Variants in SH3GL2 observed in about 807,000 individuals in gnomAD.
SH3GL2 encodes endophilin-A1.
SH3GL2 carries 24 observed loss-of-function variants against 46.0 expected under a neutral mutation model. The ratio of observed to expected loss-of-function variants is 0.52; its 90% CI spans 0.38 to 0.73. SH3GL2 has a LOEUF of 0.73. Among genes scored for constraint, SH3GL2 ranks in the 30% least tolerant of loss-of-function variants. The probability of loss-of-function intolerance (pLI) is 0.00; values close to 1 mark genes in which losing one functional copy is unlikely to be tolerated. For missense variants in SH3GL2, 413 were observed against 424.2 expected (o/e 0.97, Z 0.23); for synonymous variants, 196 against 147.1 (o/e 1.33, Z -2.40).
At chr9:17,642,670 C>A (rs1335141346) in intron 1 of SH3GL2, among the ~76,000 whole-genome samples, 1 of 151,980 alleles carries the variant, frequency 6.6e-6, no homozygotes, top group African/African-American at 2.4e-5. Context: ...TGCAGATGTG[C>A]GGTGCTATTT....
At chr9:17,700,457 C>G (rs1027304089) in intron 1 of SH3GL2, among the ~76,000 whole-genome samples, 3 of 152,192 alleles carry the variant, frequency 2.0e-5, no homozygotes, top group Non-Finnish European at 4.4e-5. Context: ...TCTAGAGGAG[C>G]GGAAGATCTG....
At chr9:17,596,650 A>G (rs1410896204) in intron 1 of SH3GL2, among the ~76,000 whole-genome samples, 1 of 152,218 alleles carries the variant, frequency 6.6e-6, no homozygotes, top group African/African-American at 2.4e-5. Flanking sequence ...ATCCCTGTTG[A>G]ACTTGAATGC....
chr9:17,644,015 G>A (rs1431764807), intron 1 of SH3GL2, among the ~76,000 whole-genome samples: 1 of 152,168 alleles, frequency 6.6e-6, no homozygotes, highest in African/African-American at 2.4e-5. Context: ...TTCAGAACTT[G>A]TTATTGGTCT....
At chr9:17,613,710 A>C (rs1383931134) in intron 1 of SH3GL2, among the ~76,000 whole-genome samples, 1 of 152,184 alleles carries the variant, frequency 6.6e-6, no homozygotes, top group Non-Finnish European at 1.5e-5. Flanking sequence ...AATGCTCATT[A>C]TGGGAGGTGA....
intron 1 of SH3GL2, among the ~76,000 whole-genome samples, chr9:17,633,127 G>A (rs548817629): frequency 1.1e-4 from 17 of 152,290 alleles, no homozygotes; most frequent in African/African-American, 4.1e-4. Context: ...AGTGGCTTCT[G>A]ATATAGGTCT....
Position 17,795,548 on chromosome 9 carries a change from C to G in SH3GL2, c.864C>G (p.Val288=). 3.1e-6 allele frequency: 5 copies of G among 1,613,464 alleles called. No homozygotes were observed. Among genetic ancestry groups the G allele is most frequent in the Non-Finnish European group, 4.2e-6 (5 of 1,179,512 alleles). Residue 288 remains valine, a synonymous_variant, in exon 9 of 9, where the codon GTC becomes GTG. Transcript: ENST00000380607. The part of the protein sequence containing the change: ...SHTGTPKPSG[V]QMDQPCCRAL... ...CTCTCCTGCTCTTACTCCCAGGTGT[C>G]CAAATGGATCAGCCCTGCTGCCGAG... is the stretch of plus-strand genomic sequence containing the variant.
At chr9:17,751,608 C>T (rs144028246) in intron 2 of SH3GL2, among the ~76,000 whole-genome samples, 2 of 152,194 alleles carry the variant, frequency 1.3e-5, no homozygotes, top group Non-Finnish European at 2.9e-5. Context: ...CTAGTTCCCT[C>T]CCATCATGTG....
intron 1 of SH3GL2, among the ~76,000 whole-genome samples, chr9:17,705,183 G>T (rs1430966327): frequency 1.3e-5 from 2 of 151,878 alleles, no homozygotes; most frequent in Non-Finnish European, 2.9e-5. Flanking sequence ...AGATCAAAAT[G>T]ACAATGAGAT....
intron 1 of SH3GL2, among the ~76,000 whole-genome samples, chr9:17,616,211 T>G (rs968896271): frequency 2.2e-4 from 33 of 152,224 alleles, no homozygotes; most frequent in African/African-American, 7.5e-4. Context: ...AAAAAAGAGA[T>G]AAATTAGGAA....
chr9:17,599,799 T>C (rs992827100), intron 1 of SH3GL2, among the ~76,000 whole-genome samples: 1 of 152,214 alleles, frequency 6.6e-6, no homozygotes, highest in Middle Eastern at 3.2e-3. Context: ...ATGTTAATTA[T>C]CTCTAGATGT....
intron 2 of SH3GL2, among the ~76,000 whole-genome samples, chr9:17,756,417 C>G (rs1163840906): frequency 6.6e-6 from 1 of 151,546 alleles, no homozygotes; most frequent in Non-Finnish European, 1.5e-5. Context: ...TGTTGGTGTG[C>G]TGCACCCATT....
chr9:17,661,571 T>C (rs1400155691), intron 1 of SH3GL2, among the ~76,000 whole-genome samples: 1 of 152,220 alleles, frequency 6.6e-6, no homozygotes, highest in Non-Finnish European at 1.5e-5. Context: ...AATATTAGGA[T>C]TTCCATTTAT....
chr9:17,590,172 A>G (rs767155518), intron 1 of SH3GL2: 3 of 151,748 alleles, frequency 2.0e-5, no homozygotes, highest in Non-Finnish European at 4.4e-5. Context: ...GCTTCTTTCT[A>G]TTGAGTTAAT....
At chr9:17,634,796 C>A (rs1191893518) in intron 1 of SH3GL2, among the ~76,000 whole-genome samples, 2 of 152,064 alleles carry the variant, frequency 1.3e-5, no homozygotes, top group African/African-American at 4.8e-5. Flanking sequence ...CTCTTCTGGC[C>A]CTGGGAATTA....
intron 1 of SH3GL2, among the ~76,000 whole-genome samples, chr9:17,640,078 AT>A (rs1819638722): frequency 6.6e-6 from 1 of 152,172 alleles, no homozygotes; most frequent in Non-Finnish European, 1.5e-5. Context: ...GTTGTGTGCA[AT>A]TATGAACACT....
intron 1 of SH3GL2, among the ~76,000 whole-genome samples, chr9:17,581,030 G>T (rs1368332191): frequency 1.3e-5 from 2 of 152,166 alleles, no homozygotes; most frequent in African/African-American, 2.4e-5. Flanking sequence ...AATTTCCGTT[G>T]TCTCTTCAGG....
intron 3 of SH3GL2, among the ~76,000 whole-genome samples, chr9:17,785,555 C>T (rs1416678891): frequency 2.0e-5 from 3 of 152,122 alleles, no homozygotes; most frequent in East Asian, 3.9e-4. Context: ...GGGTATAGTC[C>T]TAGGTTAATG....
intron 3 of SH3GL2, among the ~76,000 whole-genome samples, chr9:17,770,249 C>T (rs903408751): frequency 1.3e-5 from 2 of 152,138 alleles, no homozygotes; most frequent in African/African-American, 2.4e-5. Flanking sequence ...TGTTTATATA[C>T]ATAGATAATA....
In SH3GL2 at chr9:17,787,375, C is replaced by T. The variant is rs563161861; in HGVS notation, c.332-5C>T. On this transcript the variant is annotated splice_polypyrimidine_tract_variant and splice_region_variant and intron_variant, in intron 4 of 8. Transcript: ENST00000380607. ...GTAACATGAAAGAGCTTTATTCTCT[C>T]CTAGGCCCAGCACTTGGTGAGGTCG... is the stretch of plus-strand genomic sequence containing the variant. 1.2e-6 allele frequency: 2 copies of T among 1,612,286 alleles called. No homozygotes were observed. Among genetic ancestry groups the T allele is most frequent in the Non-Finnish European group, 1.7e-6 (2 of 1,178,832 alleles).
Sources: gnomAD v4.1 joint callset for allele counts (sites outside exome capture counted in the v4.1 genomes callset) on GRCh38, gnomAD v4.1.1 for gene constraint, MANE v1.5 for transcripts, NCBI Gene and HGNC (gene_info 2026-07-23, HGNC 2026-07-21) for gene names.